ZCWPW2: variants seen among roughly 807,000 people sequenced by gnomAD.
The protein encoded by ZCWPW2 is zinc finger CW-type PWWP domain protein 2.
ZCWPW2 carries 45 observed loss-of-function variants against 46.6 expected under a neutral mutation model. The ratio of observed to expected loss-of-function variants is 0.96; its 90% CI spans 0.76 to 1.24. ZCWPW2 has a LOEUF of 1.24. ZCWPW2 is among the 50% of genes most tolerant of loss of function. The pLI is 0.00. For missense variants in ZCWPW2, 429 were observed against 403.9 expected (o/e 1.06, Z -0.53); for synonymous variants, 152 against 137.1 (o/e 1.11, Z -0.76).
At chr3:28,523,249 C>T (rs1229981692) in intron 9 of ZCWPW2, among the ~76,000 whole-genome samples, 3 of 152,074 alleles carry the variant, frequency 2.0e-5, no homozygotes, top group East Asian at 3.9e-4. Flanking sequence ...GCACTCTGCA[C>T]CCTGAGCTTT....
At chr3:28,356,483 A>G (rs1704735794) in intron 1 of ZCWPW2, among the ~76,000 whole-genome samples, 1 of 152,228 alleles carries the variant, frequency 6.6e-6, no homozygotes. Context: ...ATACTATTTG[A>G]TCCAGCCATC....
At chr3:28,516,922 G>A (rs1700588089) in intron 8 of ZCWPW2, among the ~76,000 whole-genome samples, 1 of 152,144 alleles carries the variant, frequency 6.6e-6, no homozygotes, top group African/African-American at 2.4e-5. Flanking sequence ...TGAGGTGGGA[G>A]GATCACCTGA....
At chr3:28,509,302 C>G (rs778572439) in intron 6 of ZCWPW2, among the ~76,000 whole-genome samples, 1 of 151,986 alleles carries the variant, frequency 6.6e-6, no homozygotes, top group Non-Finnish European at 1.5e-5. Flanking sequence ...TGTACTGGTT[C>G]TTGTATGGGA....
intron 1 of ZCWPW2, among the ~76,000 whole-genome samples, chr3:28,376,147 G>A (rs1705494466): frequency 6.6e-6 from 1 of 151,874 alleles, no homozygotes; most frequent in African/African-American, 2.4e-5. Flanking sequence ...CCTTTCTTTT[G>A]GGTATATACC....
At chr3:28,421,818 T>C (rs1159622527) in intron 3 of ZCWPW2, among the ~76,000 whole-genome samples, 4 of 148,536 alleles carry the variant, frequency 2.7e-5, no homozygotes, top group Admixed American at 1.4e-4. Flanking sequence ...TTGAGAACCA[T>C]ATGTTGGAGA....
At chr3:28,509,365 T>C (rs1700365126) in intron 6 of ZCWPW2, among the ~76,000 whole-genome samples, 1 of 152,166 alleles carries the variant, frequency 6.6e-6, no homozygotes, top group Non-Finnish European at 1.5e-5. Flanking sequence ...TATGAGATCA[T>C]AGGGTAACTC....
intron 4 of ZCWPW2, among the ~76,000 whole-genome samples, chr3:28,458,178 T>C (rs1195466886): frequency 1.3e-5 from 2 of 152,224 alleles, no homozygotes; most frequent in Non-Finnish European, 2.9e-5. Context: ...TTGTCTGTTA[T>C]GAATTACAGC....
chr3:28,512,033 T>C (rs2125832081), intron 6 of ZCWPW2, among the ~76,000 whole-genome samples: 1 of 152,300 alleles, frequency 6.6e-6, no homozygotes, highest in South Asian at 2.1e-4. Context: ...TATGGCTACC[T>C]TCTTGAATTT....
At chr3:28,437,265 T>G (rs1697538656) in intron 4 of ZCWPW2, among the ~76,000 whole-genome samples, 1 of 152,218 alleles carries the variant, frequency 6.6e-6, no homozygotes, top group African/African-American at 2.4e-5. Context: ...CACTGGTTAT[T>G]GCTAAATCTT....
intron 8 of ZCWPW2, among the ~76,000 whole-genome samples, 169 bp downstream of exon 8, chr3:28,515,790 CAT>C (rs759426303): frequency 2.3e-4 from 33 of 144,658 alleles, no homozygotes; most frequent in East Asian, 3.9e-4. Context: ...CATTTTTACA[CAT>C]ATATATGTGT....
At chr3:28,454,691 A>G (rs988026258) in intron 4 of ZCWPW2, among the ~76,000 whole-genome samples, 8 of 151,874 alleles carry the variant, frequency 5.3e-5, no homozygotes, top group South Asian at 2.1e-4. Context: ...CCTTGTGTCT[A>G]TTTGGTCTCA....
rs1441899397 is a variant in ZCWPW2, at chr3:28,348,913, G to C, written c.-424G>C. On this transcript the variant is annotated 5_prime_UTR_variant, in exon 1 of 10. Coordinates refer to ENST00000383768, the MANE Select transcript of ZCWPW2 (RefSeq NM_001040432.4). ...GCGCGAGACCCAGGCCCGCCGTCGG[G>C]ACCAGCACGGGCCGGAGGGAGGGGA... 1 of 979,816 alleles carries C rather than the reference G, an allele frequency of 1.0e-6. No individual in the cohort carries two copies. Among genetic ancestry groups the C allele is most frequent in the East Asian group, 1.1e-4 (1 of 8,790 alleles). 60.7% of individuals were successfully genotyped at this position (979,816 alleles called of 1,614,324 possible). A position where few individuals can be genotyped will look rare whatever the true frequency, so the allele number is the denominator to read the frequency against.
intron 6 of ZCWPW2, among the ~76,000 whole-genome samples, chr3:28,506,757 G>A (rs1379717853): frequency 6.6e-6 from 1 of 151,990 alleles, no homozygotes; most frequent in Non-Finnish European, 1.5e-5. Flanking sequence ...AGCAGTCCTA[G>A]GAAACTAGTG....
chr3:28,485,063 T>A (rs964802483), intron 5 of ZCWPW2, among the ~76,000 whole-genome samples: 2 of 152,234 alleles, frequency 1.3e-5, no homozygotes, highest in Admixed American at 1.3e-4. Flanking sequence ...TGAACATTGC[T>A]TTTGCTGCAT....
At chr3:28,371,255 G>A (rs998588043) in intron 1 of ZCWPW2, among the ~76,000 whole-genome samples, 4 of 151,972 alleles carry the variant, frequency 2.6e-5, no homozygotes, top group African/African-American at 7.3e-5. Flanking sequence ...TTTTTCTGAC[G>A]CTTGTTAAAA....
chr3:28,417,284 T>G (rs867658578), intron 3 of ZCWPW2, among the ~76,000 whole-genome samples: 4 of 151,978 alleles, frequency 2.6e-5, no homozygotes, highest in Non-Finnish European at 4.4e-5. Flanking sequence ...ATAAATTCCT[T>G]GACACATACA....
At chr3:28,378,667 T>C (rs1705577800) in intron 1 of ZCWPW2, among the ~76,000 whole-genome samples, 1 of 152,130 alleles carries the variant, frequency 6.6e-6, no homozygotes, top group Non-Finnish European at 1.5e-5. Context: ...CACATGGCCA[T>C]GATTGTTGTT....
chr3:28,352,790 G>A (rs796522663), intron 1 of ZCWPW2, among the ~76,000 whole-genome samples: 12 of 152,230 alleles, frequency 7.9e-5, no homozygotes, highest in African/African-American at 2.6e-4. Context: ...TTTCTTTCTA[G>A]CAATAAGTAA....
chr3:28,353,539 C>A (rs1419252279), intron 1 of ZCWPW2, among the ~76,000 whole-genome samples: 6 of 152,192 alleles, frequency 3.9e-5, no homozygotes, highest in African/African-American at 1.4e-4. Context: ...ATGGCATTTA[C>A]ATTTCATTTA....
Sources: allele counts gnomAD v4.1 joint callset (sites outside exome capture counted in the v4.1 genomes callset), GRCh38; gene constraint gnomAD v4.1.1; transcripts MANE v1.5; gene names NCBI Gene and HGNC (gene_info 2026-07-23, HGNC 2026-07-21).